The following LOXHD1 variants were observed in gnomAD, a reference collection of about 807,000 sequenced individuals.
LOXHD1 encodes the protein lipoxygenase homology domain-containing protein 1.
A neutral mutation model predicts 248.2 loss-of-function variants in LOXHD1; 205 were observed. The ratio of observed to expected loss-of-function variants is 0.83; its 90% confidence interval spans 0.74 to 0.93. The LOEUF is 0.93. LOXHD1 is among the 40% of genes least tolerant of loss of function. The pLI is 0.00. For missense variants in LOXHD1, 2,930 were observed against 2,971.6 expected, an observed-to-expected ratio of 0.99 and a Z score of 0.33; for synonymous variants, 1,113 against 1,162.8, an observed-to-expected ratio of 0.96 and a Z score of 0.87.
chr18:46,478,702 T>C (rs2032261680), intron 40 of LOXHD1, among the ~76,000 whole-genome samples: 1 of 152,298 alleles, frequency 6.6e-6, no homozygotes, highest in East Asian at 1.9e-4. Context: ...TTAATTTTTA[T>C]TTTCTTTAGA....
At chr18:46,583,001 C>T in intron 12 of LOXHD1, among the ~76,000 whole-genome samples, 1 of 152,138 alleles carries the variant, frequency 6.6e-6, no homozygotes, top group Admixed American at 6.5e-5. Flanking sequence ...TAGTTTAAAA[C>T]CTGCCAGTAG....
intron 5 of LOXHD1, among the ~76,000 whole-genome samples, chr18:46,612,164 T>G (rs2038517564): frequency 6.6e-6 from 1 of 152,224 alleles, no homozygotes; most frequent in Non-Finnish European, 1.5e-5. Flanking sequence ...GTTGCTTCTA[T>G]TTTTTTGCTA....
intron 29 of LOXHD1, among the ~76,000 whole-genome samples, chr18:46,527,129 A>G (rs1300812982): frequency 3.3e-5 from 5 of 150,836 alleles, no homozygotes; most frequent in Non-Finnish European, 5.9e-5. Flanking sequence ...AATTGCTGAG[A>G]GAGAGGAAAA....
intron 28 of LOXHD1, 64 bp from the exon 29 acceptor site, chr18:46,529,395 T>C: frequency 6.8e-7 from 1 of 1,476,772 alleles, no homozygotes; most frequent in Non-Finnish European, 9.0e-7. Context: ...GCTTTAGGTC[T>C]TGAGGAACTG....
chr18:46,510,269 A>G (rs1473874963), intron 34 of LOXHD1, among the ~76,000 whole-genome samples: 1 of 152,244 alleles, frequency 6.6e-6, no homozygotes, highest in African/African-American at 2.4e-5. Context: ...CCCGTTGCGA[A>G]TGGTGGGGCA....
intron 37 of LOXHD1, among the ~76,000 whole-genome samples, chr18:46,495,342 C>T (rs1421153616): frequency 1.3e-5 from 2 of 152,156 alleles, no homozygotes; most frequent in Admixed American, 1.3e-4. Flanking sequence ...TGATTTTCCT[C>T]TATGAACTAT....
Position 46,518,256 on chromosome 18 carries a change from C to A in LOXHD1, c.5272G>T (p.Val1758Phe), listed in dbSNP as rs535485519. 22 of 1,551,348 alleles carry A rather than the reference C, an allele frequency of 1.4e-5. No homozygotes were observed. The highest frequency in any genetic ancestry group is 1.7e-4 in the Middle Eastern group (1 of 6,014). The change falls in exon 34 of 41, where the codon GTT becomes TTT. Residue 1758 changes from valine to phenylalanine, a missense_variant and splice_region_variant. By Grantham distance (50) the Val-to-Phe change is conservative. Transcript: ENST00000642948. ...GTCCACACCGTCATTTCATAGAGAA[C>A]CTGCCATGAGAGGAATGCAGGTGCT... ...DAMVVNIGVKVLYEMTVWTGD... is the reference protein window; with the variant it reads ...DAMVVNIGVKFLYEMTVWTGD...
At chr18:46,503,062 C>G (rs1015440631) in intron 37 of LOXHD1, among the ~76,000 whole-genome samples, 1 of 152,212 alleles carries the variant, frequency 6.6e-6, no homozygotes, top group African/African-American at 2.4e-5. Context: ...TAAGCCCTCA[C>G]TATGCTCCAG....
At chr18:46,552,015 A>G (rs1200830324) in intron 21 of LOXHD1, among the ~76,000 whole-genome samples, 1 of 152,224 alleles carries the variant, frequency 6.6e-6, no homozygotes, top group Non-Finnish European at 1.5e-5. Flanking sequence ...AGTCATAGAG[A>G]CAAAAAGTGG....
At chr18:46,529,092 T>A in intron 29 of LOXHD1, 85 bp downstream of exon 29, 1 of 1,488,408 alleles carries the variant, frequency 6.7e-7, no homozygotes, top group Non-Finnish European at 9.1e-7. Context: ...TTCCTGGATG[T>A]CCCCAGGAAC....
chr18:46,563,844 G>A (rs992019866), intron 17 of LOXHD1, among the ~76,000 whole-genome samples: 10 of 152,140 alleles, frequency 6.6e-5, no homozygotes, highest in African/African-American at 2.4e-4. Flanking sequence ...AGAGACACCA[G>A]GGATGTGGAG....
chr18:46,628,555 G>A (rs1432524566), intron 4 of LOXHD1, among the ~76,000 whole-genome samples: 1 of 152,232 alleles, frequency 6.6e-6, no homozygotes, highest in Admixed American at 6.5e-5. Flanking sequence ...CAGTCAAGGT[G>A]ATGAGCCTAT....
At chr18:46,569,229 C>T (rs1309118439) in intron 16 of LOXHD1, among the ~76,000 whole-genome samples, 1 of 152,234 alleles carries the variant, frequency 6.6e-6, no homozygotes, top group Non-Finnish European at 1.5e-5. Flanking sequence ...CTACTGTTTA[C>T]ATATCTTCAG....
chr18:46,636,886 C>T (rs1349304782), intron 4 of LOXHD1, among the ~76,000 whole-genome samples: 1 of 152,194 alleles, frequency 6.6e-6, no homozygotes, highest in Non-Finnish European at 1.5e-5. Context: ...TGGCTCACAC[C>T]TGTAATCCCA....
Position 46,533,156 on chromosome 18 carries a change from A to T in LOXHD1, c.4375+6T>A. ...ATGGTGATGAGGGTGGCCACACCAC[A>T]CTTACTGTCCAGAGGCTCTTCTACT... On this transcript the variant is annotated splice_donor_region_variant and intron_variant, in intron 28 of 40. Coordinates refer to ENST00000642948, the MANE Select transcript of LOXHD1 (RefSeq NM_001384474.1). 6.4e-7 allele frequency: 1 copy of T among 1,551,618 alleles called. No homozygotes were observed. Among genetic ancestry groups the T allele is most frequent in the South Asian group, 1.2e-5 (1 of 84,058 alleles).
chr18:46,536,846 G>T (rs2036335194), intron 26 of LOXHD1, among the ~76,000 whole-genome samples: 1 of 152,168 alleles, frequency 6.6e-6, no homozygotes, highest in African/African-American at 2.4e-5. Flanking sequence ...CCTGGGCTTT[G>T]TTTCCTATCA....
At chr18:46,489,208 A>T (rs1386151160) in intron 37 of LOXHD1, 66 bp from the exon 38 acceptor site, 1 of 1,501,674 alleles carries the variant, frequency 6.7e-7, no homozygotes, top group Non-Finnish European at 9.1e-7. Flanking sequence ...AGACTTCTAC[A>T]TCCCCACAAC....
chr18:46,592,673 C>T lies in LOXHD1; in HGVS notation c.1432-89G>A, dbSNP rs2038193729. On this transcript the variant is annotated intron_variant, in intron 10 of 40. Transcript: ENST00000642948. ...TGACCCACTCTCAGGAGGGTACCTG[C>T]TTTGGGCTCTTTCTTCAGCAGTGAG... 7.5e-6 allele frequency: 8 copies of T among 1,070,888 alleles called. No individual in the cohort carries two copies. The East Asian group carries it at 1.0e-4, about 14-fold the overall frequency. 66.3% of individuals were successfully genotyped at this position (1,070,888 alleles called of 1,614,324 possible).
At chr18:46,605,462 C>T (rs1164996688) in intron 6 of LOXHD1, among the ~76,000 whole-genome samples, 1 of 151,898 alleles carries the variant, frequency 6.6e-6, no homozygotes, top group Non-Finnish European at 1.5e-5. Flanking sequence ...TGCAGTGAGC[C>T]GGGATCGTGC....
Sources: allele counts gnomAD v4.1 joint callset (sites outside exome capture counted in the v4.1 genomes callset), GRCh38; gene constraint gnomAD v4.1.1; transcripts MANE v1.5; gene names NCBI Gene and HGNC (gene_info 2026-07-23, HGNC 2026-07-21).